Variants in CEP350 observed in about 807,000 individuals in gnomAD.
CEP350 encodes centrosome-associated protein 350.
Under a neutral mutation model 331.8 loss-of-function variants are expected in CEP350, and 126 were observed. The observed-to-expected ratio is 0.38, with a 90% CI of 0.33 to 0.44. The LOEUF (loss-of-function observed/expected upper bound fraction) is 0.44, where lower values mean the gene tolerates loss of function less well. Among genes scored for constraint, CEP350 ranks in the 20% least tolerant of loss-of-function variants. The pLI is 1.00. For synonymous variants in CEP350, 1,200 were observed against 1,259.5 expected (o/e 0.95, Z 1.00); for missense variants, 3,406 against 3,634.6 (o/e 0.94, Z 1.62).
At chr1:180,024,166 T>A (rs16855125) in intron 13 of CEP350, among the ~76,000 whole-genome samples, 18,161 of 152,024 alleles carry the variant, frequency 0.12, 1,168 homozygotes, top group South Asian at 0.16. Context: ...TATTTTCCAG[T>A]ATTCAACATT....
At chr1:179,989,917 A>G (rs1652924774) in intron 3 of CEP350, among the ~76,000 whole-genome samples, 1 of 152,100 alleles carries the variant, frequency 6.6e-6, no homozygotes, top group Admixed American at 6.5e-5. Flanking sequence ...GGCTGGGCAT[A>G]GTGGCTCACG....
At chr1:180,052,458 CA>C (rs1263649949) in intron 22 of CEP350, 1 of 271,608 alleles carries the variant, frequency 3.7e-6, no homozygotes, top group African/African-American at 2.3e-5. Context: ...CTTGTAGTAC[CA>C]GAAAGGGAAG....
In CEP350 at chr1:180,031,055, A is replaced by G. The variant is rs570883820; in HGVS notation, c.3551-265A>G. Among the ~76,000 whole-genome samples the G allele has an allele frequency of 3.4e-4, 51 of 152,100 alleles. 1 individual carries two copies. Among genetic ancestry groups the G allele is most frequent in the Admixed American group, 3.2e-3 (49 of 15,256 alleles). On this transcript the variant is annotated intron_variant, in intron 14 of 37. Coordinates refer to ENST00000367607, the MANE Select transcript of CEP350 (RefSeq NM_014810.5). ...TTAGTATTTTATTGTTATTTAATAT[A>G]TTTATCTTTTATTACTATTGCACTA...
chr1:180,062,478 A>G (rs887296853), intron 26 of CEP350, 112 bp downstream of exon 26: 1 of 1,293,214 alleles, frequency 7.7e-7, no homozygotes, highest in Non-Finnish European at 1.0e-6. Context: ...ACAATAATGA[A>G]CTAGGATAAA....
At chr1:180,045,083 T>G (rs1657035040) in intron 21 of CEP350, among the ~76,000 whole-genome samples, 1 of 152,196 alleles carries the variant, frequency 6.6e-6, no homozygotes, top group Non-Finnish European at 1.5e-5. Flanking sequence ...GACTCACGCC[T>G]GTGATTCCAG....
chr1:180,047,573 A>G (rs912589616), intron 21 of CEP350, among the ~76,000 whole-genome samples: 91 of 152,020 alleles, frequency 6.0e-4, no homozygotes, highest in African/African-American at 2.2e-3. Context: ...CCTGGCCAAC[A>G]TAGCGAAGCC....
chr1:180,073,757 T>A, intron 27 of CEP350: 1 of 1,299,978 alleles, frequency 7.7e-7, no homozygotes, highest in South Asian at 1.2e-5. Flanking sequence ...TGATCTCTTG[T>A]TTTTAAAATC....
intron 1 of CEP350, 67 bp downstream of exon 1, chr1:179,955,209 G>A: frequency 8.2e-7 from 1 of 1,215,092 alleles, no homozygotes; most frequent in Non-Finnish European, 1.0e-6. Context: ...TCTGTCCGCG[G>A]TCCCGGGTCC....
chr1:180,039,499 A>G (rs532026063), intron 17 of CEP350, among the ~76,000 whole-genome samples: 20 of 152,118 alleles, frequency 1.3e-4, no homozygotes, highest in Non-Finnish European at 2.1e-4. Context: ...TCTAGTATGG[A>G]TATTCAATTG....
At chr1:180,057,945 G>C (rs1176442773) in intron 25 of CEP350, among the ~76,000 whole-genome samples, 2 of 152,152 alleles carry the variant, frequency 1.3e-5, no homozygotes, top group Non-Finnish European at 2.9e-5. Flanking sequence ...CTTGACAACT[G>C]CTTTGAGGAG....
chr1:180,088,994 T>G (rs769125465), intron 32 of CEP350, among the ~76,000 whole-genome samples: 2 of 152,194 alleles, frequency 1.3e-5, no homozygotes, highest in African/African-American at 4.8e-5. Context: ...TCAGATTTTG[T>G]GTGTGTGTTT....
At chr1:179,991,074 G>A (rs1653018140) in intron 4 of CEP350, among the ~76,000 whole-genome samples, 1 of 151,248 alleles carries the variant, frequency 6.6e-6, no homozygotes, top group Admixed American at 6.6e-5. Flanking sequence ...TTGACAATGA[G>A]TTTTCATTTG....
intron 23 of CEP350, 141 bp from the exon 24 acceptor site, chr1:180,053,609 C>T: frequency 4.0e-6 from 2 of 500,190 alleles, no homozygotes; most frequent in South Asian, 6.0e-5. Flanking sequence ...GCCTCATGTG[C>T]CTTTTTAAAG....
intron 6 of CEP350, among the ~76,000 whole-genome samples, chr1:180,001,994 CTT>C (rs766255388): frequency 1.3e-5 from 2 of 152,172 alleles, no homozygotes; most frequent in African/African-American, 4.8e-5. Context: ...ATACATTCCT[CTT>C]TTAAAAGCTT....
rs1404574102 is a variant in CEP350, at chr1:180,093,037, A to G, written c.6932A>G (p.Gln2311Arg). ...KDLPLDSENV[Q>R]KDLVGLAIEN... The stretch of plus-strand genomic sequence containing the variant: ...CTTCCTTTAGATTCTGAAAATGTTC[A>G]GAAAGACCTAGTTGGATTAGCTATT... The change falls in exon 34 of 38, where the codon CAG (glutamine) becomes CGG (arginine). Residue 2311 changes from glutamine to arginine, a missense_variant. This residue lies in a region of CEP350 where 1,415 missense variants were observed against 1,512.3 expected (regional missense o/e 0.94). Coordinates refer to ENST00000367607, the MANE Select transcript of CEP350 (RefSeq NM_014810.5). 2 of 1,605,880 alleles carry G rather than the reference A, an allele frequency of 1.2e-6. No homozygotes were observed. Among genetic ancestry groups the G allele is most frequent in the South Asian group, 2.2e-5 (2 of 89,576 alleles).
chr1:180,086,150 A>C (rs2319773), intron 31 of CEP350, among the ~76,000 whole-genome samples: 106,832 of 152,036 alleles, frequency 0.7, 39,059 homozygotes, highest in Admixed American at 0.79. Context: ...CAATACAGAG[A>C]TGGAATAGGG....
chr1:180,107,830 A>AAAAACAAAACAAAAC (rs59243464), intron 37 of CEP350, among the ~76,000 whole-genome samples: 1 of 150,302 alleles, frequency 6.7e-6, no homozygotes, highest in Non-Finnish European at 1.5e-5. Flanking sequence ...CTGCTCCCAA[A>AAAAACAAAACAAAAC]AAAACAAAAC....
intron 1 of CEP350, among the ~76,000 whole-genome samples, chr1:179,962,338 G>A (rs1650692829): frequency 6.6e-6 from 1 of 152,112 alleles, no homozygotes; most frequent in South Asian, 2.1e-4. Flanking sequence ...TCATTTTTAT[G>A]GCTACGTAGT....
At chr1:180,039,619 T>C (rs1656624219) in intron 17 of CEP350, among the ~76,000 whole-genome samples, 1 of 151,836 alleles carries the variant, frequency 6.6e-6, no homozygotes, top group Non-Finnish European at 1.5e-5. Context: ...CATTAATCTA[T>C]TCATCTATCT....
Sources: allele counts gnomAD v4.1 joint callset (sites outside exome capture counted in the v4.1 genomes callset), GRCh38; gene constraint gnomAD v4.1.1; regional missense constraint gnomAD v4.1.1; transcripts MANE v1.5; gene names NCBI Gene and HGNC (gene_info 2026-07-23, HGNC 2026-07-21).